Variants in MMUT observed in about 807,000 individuals in gnomAD.
MMUT encodes the protein methylmalonyl-CoA mutase.
A neutral mutation model predicts 79.9 loss-of-function variants in MMUT; 79 were observed. That is an observed-to-expected ratio of 0.99 (90% CI 0.82 to 1.19). The LOEUF (loss-of-function observed/expected upper bound fraction) is 1.19. MMUT is among the 50% of genes most tolerant of loss of function. The probability of loss-of-function intolerance (pLI) is 0.00; values close to 1 mark genes in which losing one functional copy is unlikely to be tolerated. For synonymous variants in MMUT, 273 were observed against 295.7 expected (o/e 0.92, Z 0.79); for missense variants, 860 against 917.2 (o/e 0.94, Z 0.81).
chr6:49,443,355 C>T (rs1021421473), intron 9 of MMUT, among the ~76,000 whole-genome samples: 8 of 152,158 alleles, frequency 5.3e-5, no homozygotes, highest in Non-Finnish European at 7.4e-5. Flanking sequence ...GCTCAGGCTT[C>T]CTCTCCTTGA....
chr6:49,455,958 T>C (rs1767675417), intron 4 of MMUT, 122 bp downstream of exon 4: 4 of 920,350 alleles, frequency 4.3e-6, no homozygotes, highest in East Asian at 2.7e-5. Context: ...ATCACTCAGA[T>C]AAAATATAAG....
intron 1 of MMUT, among the ~76,000 whole-genome samples, chr6:49,462,076 G>A (rs1767864381): frequency 1.3e-5 from 2 of 152,162 alleles, no homozygotes. Context: ...AAAATCACAT[G>A]TGAATTGGTG....
chr6:49,433,669 C>T (rs1200872193), intron 12 of MMUT, among the ~76,000 whole-genome samples: 1 of 152,044 alleles, frequency 6.6e-6, no homozygotes, highest in Non-Finnish European at 1.5e-5. Flanking sequence ...GGAGAGACCA[C>T]GTTTATTCAT....
chr6:49,456,180 C>G lies in MMUT; in HGVS notation c.811G>C (p.Ala271Pro), dbSNP rs1296157892. The G allele has an allele frequency of 6.2e-7, 1 of 1,612,206 alleles. No homozygotes were observed. Reference protein sequence around the residue: ...ISGYHMQEAGADAILELAYTL... With the variant: ...ISGYHMQEAGPDAILELAYTL... ...TAGGCCAGCTCCAGAATGGCATCAG[C>G]CCCTGCTTCCTGCATATGGTATCCA... is the stretch of plus-strand genomic sequence containing the variant. The change falls in exon 4 of 13, where the codon GCT (alanine) becomes CCT (proline). Residue 271 changes from alanine to proline, a missense_variant. Physicochemically the swap from Ala to Pro is conservative, Grantham distance 27. Coordinates refer to ENST00000274813, the MANE Select transcript of MMUT (RefSeq NM_000255.4).
intron 9 of MMUT, among the ~76,000 whole-genome samples, chr6:49,443,377 T>G (rs1426707046): frequency 6.6e-6 from 1 of 152,164 alleles, no homozygotes; most frequent in African/African-American, 2.4e-5. Context: ...TGTAACCCAA[T>G]GCACTGTACA....
chr6:49,462,953 G>A (rs1767894377), intron 1 of MMUT, 150 bp downstream of exon 1: 1 of 152,304 alleles, frequency 6.6e-6, no homozygotes, highest in African/African-American at 2.4e-5. Flanking sequence ...GGAGAAGGCA[G>A]AGAGTGGGAT....
chr6:49,457,872 G>T lies in MMUT; in HGVS notation c.572C>A (p.Ala191Glu), dbSNP rs760782399. The change falls in exon 3 of 13, where the codon GCA becomes GAA. Residue 191 changes from alanine to glutamate, a missense_variant. Coordinates refer to ENST00000274813, the MANE Select transcript of MMUT (RefSeq NM_000255.4). Reference protein sequence around the residue: ...KMSVSMTMNGAVIPVLANFIV... With the variant: ...KMSVSMTMNGEVIPVLANFIV... ...AAAATTTGCAAGAACTGGAATAACT[G>T]CTCCATTCATAGTCATGGAAACTGA... 68 of 1,613,302 alleles carry T rather than the reference G, an allele frequency of 4.2e-5. No individual in the cohort carries two copies. Among genetic ancestry groups the T allele is most frequent in the Non-Finnish European group, 5.6e-5 (66 of 1,179,494 alleles).
rs114882230 is a variant in MMUT at position 49,456,406 on chromosome 6, G to T, written c.754-169C>A. On this transcript the variant is annotated intron_variant, in intron 3 of 12. Transcript: ENST00000274813. Reference sequence around the variant, plus strand: ...AATGCTTATTTGTTACATTTAATTTGCTTTCCAATTTAAATGGTTCGTCCA... The same window carrying T: ...AATGCTTATTTGTTACATTTAATTTTCTTTCCAATTTAAATGGTTCGTCCA... Among the ~76,000 whole-genome samples, 576 of 152,168 alleles carry T rather than the reference G, an allele frequency of 3.8e-3. 7 individuals are homozygous for T. Among genetic ancestry groups the T allele is most frequent in the African/African-American group, 0.013 (543 of 41,502 alleles).
At chr6:49,455,508 G>A (rs1176082322) in intron 4 of MMUT, among the ~76,000 whole-genome samples, 2 of 152,188 alleles carry the variant, frequency 1.3e-5, no homozygotes, top group Admixed American at 6.5e-5. Context: ...TCTACATGTT[G>A]TATTGTCAGC....
rs72855811 is a variant in MMUT, at chr6:49,458,445, G to A, written c.386-387C>T. Reference sequence around the variant, plus strand: ...CATTTGTATGCTTGCTTACTATTTTGTTCTTTTATCTAATATGGTCACAAA... The same window carrying A: ...CATTTGTATGCTTGCTTACTATTTTATTCTTTTATCTAATATGGTCACAAA... On this transcript the variant is annotated intron_variant, in intron 2 of 12. Coordinates refer to ENST00000274813, the MANE Select transcript of MMUT (RefSeq NM_000255.4). Among the ~76,000 whole-genome samples the A allele has an allele frequency of 9.6e-3, 1,454 of 152,154 alleles. 12 individuals are homozygous for A. Among genetic ancestry groups the A allele is most frequent in the Non-Finnish European group, 0.014 (975 of 67,982 alleles).
rs142145869 is a variant in MMUT, at chr6:49,460,755, A to T, written c.-39-1250T>A. Among the ~76,000 whole-genome samples, 511 of 152,334 alleles carry T rather than the reference A, an allele frequency of 3.4e-3. 2 individuals are homozygous for T. The highest frequency in any genetic ancestry group is 0.012 in the African/African-American group (480 of 41,582). On this transcript the variant is annotated intron_variant, in intron 1 of 12. Transcript: ENST00000274813. Reference sequence around the variant, plus strand: ...TAAGGCAACAAGTAAAGGGAGTTTCAAATTTTATTTTCCATACCACTTCTT... The same window carrying T: ...TAAGGCAACAAGTAAAGGGAGTTTCTAATTTTATTTTCCATACCACTTCTT...
chr6:49,449,396 T>C (rs1365531529), intron 6 of MMUT, among the ~76,000 whole-genome samples: 1 of 152,186 alleles, frequency 6.6e-6, no homozygotes, highest in African/African-American at 2.4e-5. Context: ...GAATGATATA[T>C]GACTTAGCAG....
rs78743397 is a variant in MMUT, at chr6:49,455,326, C to G, written c.911+754G>C. 3.8e-3 allele frequency among the ~76,000 whole-genome samples: 576 copies of G among 152,184 alleles called. 7 individuals are homozygous for G. Among genetic ancestry groups the G allele is most frequent in the African/African-American group, 0.013 (543 of 41,522 alleles). On this transcript the variant is annotated intron_variant, in intron 4 of 12. Transcript: ENST00000274813. ...GAAAGTGAAAAAGGCAAATAAAGCT[C>G]TAACATAAGCATAAAAACAGTTTTG...
At position 49,435,576 on chromosome 6, in the gene MMUT, A is replaced by G. The variant is rs1767101281; in HGVS notation, c.2004T>C (p.Ala668=). ...CAGCAGCGAGGGTGCTTATGCCCAC[A>G]GCATGCACATCCGCATCCACAGCCT... ...AQQAVDADVH[A]VGISTLAAGH... Residue 668 remains alanine, a synonymous_variant, in exon 12 of 13, where the codon GCT becomes GCC. Transcript: ENST00000274813. 1 of 1,613,946 alleles carries G rather than the reference A, an allele frequency of 6.2e-7. No individual in the cohort carries two copies.
In MMUT at chr6:49,444,765, AG is replaced by A. The variant is rs752706245; in HGVS notation, c.1561-12del. 1.3e-6 allele frequency: 2 copies of A among 1,591,520 alleles called. No individual in the cohort carries two copies. Among genetic ancestry groups the A allele is most frequent in the Non-Finnish European group, 1.7e-6 (2 of 1,159,762 alleles). ...CCTGCTGGATTTGATCTATGGAAAA[AG>A]TCAAGGAAAGGGACAATTTACATGA... On this transcript the variant is annotated splice_polypyrimidine_tract_variant and intron_variant, in intron 8 of 12. Coordinates refer to ENST00000274813, the MANE Select transcript of MMUT (RefSeq NM_000255.4).
intron 10 of MMUT, 80 bp from the exon 11 acceptor site, chr6:49,440,433 C>A (rs1767245383): frequency 2.9e-6 from 4 of 1,401,990 alleles, no homozygotes; most frequent in Admixed American, 3.7e-5. Context: ...TTATTCACAG[C>A]AAATCTTTCA....
chr6:49,460,603 A>G (rs571919293), intron 1 of MMUT, among the ~76,000 whole-genome samples: 193 of 152,352 alleles, frequency 1.3e-3, no homozygotes, highest in Non-Finnish European at 2.2e-3. Flanking sequence ...ACAAAGCCGT[A>G]AACTGTTTAC....
rs1041879905 is a variant in MMUT, at chr6:49,451,827, A to T, written c.1084-113T>A. ...CTGCATATTTTCTATGTCAATTTCC[A>T]TATTAAGCTTCAGAATAGCAAATAA... is the stretch of plus-strand genomic sequence containing the variant. On this transcript the variant is annotated intron_variant, in intron 5 of 12. Coordinates refer to ENST00000274813, the MANE Select transcript of MMUT (RefSeq NM_000255.4). The T allele has an allele frequency of 1.4e-5, 17 of 1,175,292 alleles. No individual in the cohort carries two copies. In the African/African-American group the frequency reaches 2.3e-4, roughly 16 times the overall value. The allele number at this position is 1,175,292 out of a possible 1,614,324, so 72.8% of individuals were successfully genotyped here.
intron 9 of MMUT, chr6:49,443,877 C>A: frequency 5.2e-6 from 2 of 385,914 alleles, no homozygotes; most frequent in Non-Finnish European, 1.0e-5. Flanking sequence ...TGCAGGATGA[C>A]AAAAGTTAGG....
Sources: allele counts gnomAD v4.1 joint callset (sites outside exome capture counted in the v4.1 genomes callset), GRCh38; gene constraint gnomAD v4.1.1; transcripts MANE v1.5; gene names NCBI Gene and HGNC (gene_info 2026-07-23, HGNC 2026-07-21).